Variants in SUCO observed in about 807,000 individuals in gnomAD.
SUCO encodes SUN domain-containing ossification factor.
SUCO carries 57 observed loss-of-function variants against 148.1 expected under a neutral mutation model. The observed-to-expected ratio is 0.38, with a 90% confidence interval of 0.31 to 0.48. The LOEUF (loss-of-function observed/expected upper bound fraction) is 0.48, where lower values mean the gene tolerates loss of function less well. SUCO is among the 20% of genes least tolerant of loss of function. SUCO has a pLI of 0.96. For synonymous variants in SUCO, 470 were observed against 502.7 expected (o/e 0.93, Z 0.87); for missense variants, 1,331 against 1,468.2 (o/e 0.91, Z 1.53).
chr1:172,589,817 C>A lies in SUCO; in HGVS notation c.2716C>A (p.His906Asn). The A allele has an allele frequency of 2.5e-6, 4 of 1,610,328 alleles. No homozygotes were observed. The highest frequency in any genetic ancestry group is 3.4e-6 in the Non-Finnish European group (4 of 1,178,830). The change falls in exon 18 of 24, where the codon CAT becomes AAT. Residue 906 changes from histidine (H) to asparagine (N), a missense_variant. His to Asn is a moderately conservative substitution (Grantham distance 68, BLOSUM62 1). Around this residue, in one of 3 missense-constraint regions of SUCO, gnomAD observed 992 missense variants for 1,093.5 expected, o/e 0.91. Transcript: ENST00000263688. ...DLGYANGNLV[H>N]GSNQKESVFM... ...AGGATATGCTAATGGAAATCTTGTACATGGATCAAACCAAAAGGAGTCAGT... is the reference window on the plus strand; with the variant it reads ...AGGATATGCTAATGGAAATCTTGTAAATGGATCAAACCAAAAGGAGTCAGT...
At chr1:172,555,741 G>A in intron 3 of SUCO, 128 bp from the exon 4 acceptor site, 1 of 753,354 alleles carries the variant, frequency 1.3e-6, no homozygotes. Flanking sequence ...TTTTATAAAA[G>A]TACTTTTTTT....
At chr1:172,599,895 T>G (rs1332551735) in intron 19 of SUCO, among the ~76,000 whole-genome samples, 169 bp from the exon 20 acceptor site, 3 of 152,236 alleles carry the variant, frequency 2.0e-5, no homozygotes, top group Non-Finnish European at 2.9e-5. Flanking sequence ...TACTTCGTGT[T>G]TTGTTTATTT....
At chr1:172,567,963 G>A (rs2149243583) in intron 6 of SUCO, among the ~76,000 whole-genome samples, 1 of 152,310 alleles carries the variant, frequency 6.6e-6, no homozygotes, top group Admixed American at 6.5e-5. Flanking sequence ...GTGAGCAGCA[G>A]GTAAGCAAGC....
In SUCO at chr1:172,588,943, A is replaced by G. The variant is rs1005692973; in HGVS notation, c.1842A>G (p.Gln614=). The G allele has an allele frequency of 3.1e-6, 5 of 1,611,568 alleles. No individual in the cohort carries two copies. Among genetic ancestry groups the G allele is most frequent in the Admixed American group, 3.4e-5 (2 of 59,610 alleles). ...ESSPWFESET[Q]IFCSELTTIC... is the part of the protein sequence containing the mutation. ...CACCCTGGTTTGAGTCAGAGACACA[A>G]ATATTTTGCAGTGAACTGACCACAA... is the stretch of plus-strand genomic sequence containing the variant. The change falls in exon 18 of 24, where the codon CAA becomes CAG. Residue 614 remains glutamine, a synonymous_variant. Coordinates refer to ENST00000263688, the MANE Select transcript of SUCO (RefSeq NM_014283.5).
rs1370509728 is a variant in SUCO, at chr1:172,588,349, TTA to T, written c.1659-409_1659-408del. ...AGCTCTGGACCTTATTTAAGCTAGT[TTA>T]TTAAGCTAGCTCTTAGTTGGCTTAA... On this transcript the variant is annotated intron_variant, in intron 17 of 23. Transcript: ENST00000263688. 4 of 985,414 alleles carry T rather than the reference TTA, an allele frequency of 4.1e-6. No homozygotes were observed. In the African/African-American group the frequency reaches 7.0e-5, roughly 17 times the overall value. The allele number at this position is 985,414 out of a possible 1,614,324, so 61.0% of individuals were successfully genotyped here.
chr1:172,591,661 T>G (rs1255663562), intron 19 of SUCO, among the ~76,000 whole-genome samples: 1 of 152,080 alleles, frequency 6.6e-6, no homozygotes, highest in Non-Finnish European at 1.5e-5. Flanking sequence ...TGCCACATTT[T>G]CTTAATCCAG....
At chr1:172,559,610 A>G (rs1179991011) in intron 6 of SUCO, among the ~76,000 whole-genome samples, 1 of 152,204 alleles carries the variant, frequency 6.6e-6, no homozygotes, top group Admixed American at 6.5e-5. Context: ...TTGTGCCCAG[A>G]ATAGCAGCTC....
intron 7 of SUCO, 26 bp downstream of exon 7, chr1:172,569,168 A>AT (rs751583676): frequency 3.1e-3 from 4,373 of 1,400,272 alleles, no homozygotes; most frequent in South Asian, 4.4e-3. Context: ...AGTTCTTTAA[A>AT]TTTTTTTTTT....
chr1:172,533,169 T>C lies in SUCO; in HGVS notation c.-267T>C. 2.0e-6 allele frequency: 3 copies of C among 1,475,148 alleles called. No homozygotes were observed. The highest frequency in any genetic ancestry group is 2.8e-5 in the African/African-American group (2 of 70,412). 91.4% of individuals were successfully genotyped at this position (1,475,148 alleles called of 1,614,324 possible). On this transcript the variant is annotated 5_prime_UTR_variant, in exon 1 of 24. Transcript: ENST00000263688. ...GAGGATATGGGGCGGCAGTGGCGGCTGCAGGAGGCGGGCGTGGACGAGCCG... is the reference window on the plus strand; with the variant it reads ...GAGGATATGGGGCGGCAGTGGCGGCCGCAGGAGGCGGGCGTGGACGAGCCG...
intron 15 of SUCO, among the ~76,000 whole-genome samples, chr1:172,583,010 A>G (rs1168682838): frequency 6.6e-6 from 1 of 152,164 alleles, no homozygotes; most frequent in Non-Finnish European, 1.5e-5. Context: ...AATCTCATAT[A>G]AGATCTCACT....
chr1:172,574,905 C>G (rs929016352), intron 10 of SUCO: 1 of 985,070 alleles, frequency 1.0e-6, no homozygotes. Context: ...TTGCTCAGTT[C>G]ACTTCTTTTT....
intron 22 of SUCO, among the ~76,000 whole-genome samples, chr1:172,604,108 A>T (rs1657703003): frequency 6.6e-6 from 1 of 151,922 alleles, no homozygotes. Flanking sequence ...GTTACTTCAT[A>T]TTCTAAACAT....
intron 6 of SUCO, among the ~76,000 whole-genome samples, chr1:172,567,282 A>G (rs997948325): frequency 3.3e-5 from 5 of 152,242 alleles, no homozygotes; most frequent in Admixed American, 6.5e-5. Flanking sequence ...ATATAGTGTT[A>G]GTGAACACAT....
At chr1:172,557,194 T>A in intron 4 of SUCO, 86 bp from the exon 5 acceptor site, 1 of 1,474,978 alleles carries the variant, frequency 6.8e-7, no homozygotes, top group South Asian at 1.4e-5. Flanking sequence ...TTACATTATG[T>A]TTTGGAAATC....
chr1:172,591,046 A>G lies in SUCO; in HGVS notation c.2888A>G (p.Asn963Ser). The G allele has an allele frequency of 8.1e-6, 13 of 1,612,104 alleles. No individual in the cohort carries two copies. Among genetic ancestry groups the G allele is most frequent in the Non-Finnish European group, 1.1e-5 (13 of 1,179,024 alleles). ...AFNKTIVKLQ[N>S]TSRIAEEQDQ... ...AATAAAACAATCGTGAAACTTCAGA[A>G]TACTTCAAGAATAGCAGAGGAGCAG... is the stretch of plus-strand genomic sequence containing the variant. The change falls in exon 19 of 24, where the codon AAT becomes AGT. Residue 963 changes from asparagine (N) to serine (S), a missense_variant. Around this residue, in one of 3 missense-constraint regions of SUCO, gnomAD observed 334 missense variants for 352.3 expected, o/e 0.95. Coordinates refer to ENST00000263688, the MANE Select transcript of SUCO (RefSeq NM_014283.5).
intron 14 of SUCO, 58 bp from the exon 15 acceptor site, chr1:172,579,144 A>G: frequency 1.1e-6 from 1 of 946,962 alleles, no homozygotes; most frequent in South Asian, 1.4e-5. Context: ...GAGCTTTTAA[A>G]TATGTTACCA....
intron 1 of SUCO, chr1:172,541,778 G>A: frequency 3.8e-6 from 3 of 788,282 alleles, no homozygotes; most frequent in Middle Eastern, 6.5e-4. Context: ...GATTCTGGTG[G>A]ACAAAACAAA....
intron 1 of SUCO, chr1:172,541,937 A>G: frequency 1.4e-6 from 1 of 691,868 alleles, no homozygotes; most frequent in Non-Finnish European, 1.8e-6. Flanking sequence ...TAACTTGGGC[A>G]ACTAGAAGAA....
upstream of SUCO, chr1:172,532,753 A>G (rs1651679363): frequency 1.2e-6 from 2 of 1,613,902 alleles, no homozygotes; most frequent in Non-Finnish European, 1.7e-6. Flanking sequence ...GGCAAACTAC[A>G]ACTCCCAAAG....
Sources: gnomAD v4.1 joint callset for allele counts (sites outside exome capture counted in the v4.1 genomes callset) on GRCh38, gnomAD v4.1.1 for gene constraint, gnomAD v4.1.1 regional missense constraint, MANE v1.5 for transcripts, NCBI Gene and HGNC (gene_info 2026-07-23, HGNC 2026-07-21) for gene names.